The following PAQR5 variants were observed in gnomAD, a reference collection of about 807,000 sequenced individuals.
The protein encoded by PAQR5 is membrane progestin receptor gamma.
PAQR5 carries 20 observed loss-of-function variants against 34.5 expected under a neutral mutation model. The ratio of observed to expected loss-of-function variants is 0.58; its 90% confidence interval spans 0.41 to 0.84. The LOEUF is 0.84. Among genes scored for constraint, PAQR5 ranks in the 40% least tolerant of loss-of-function variants. PAQR5 has a pLI of 0.00. For missense variants in PAQR5, 378 were observed against 412.7 expected, an observed-to-expected ratio of 0.92 and a Z score of 0.73; for synonymous variants, 131 against 155.6, an observed-to-expected ratio of 0.84 and a Z score of 1.18.
intron 3 of PAQR5, among the ~76,000 whole-genome samples, chr15:69,367,431 A>T (rs562893960): frequency 2.6e-5 from 4 of 152,282 alleles, no homozygotes; most frequent in African/African-American, 9.6e-5. Context: ...AAATTACCCC[A>T]TATAGCTCGG....
rs535427352 is a variant in PAQR5 at position 69,377,454 on chromosome 15, G to A, written c.52-2429G>A. On this transcript the variant is annotated intron_variant, in intron 3 of 8. Coordinates refer to ENST00000395407, the MANE Select transcript of PAQR5 (RefSeq NM_017705.4). The stretch of plus-strand genomic sequence containing the variant: ...ATAAACCGGGGATGTCAGCAGAATT[G>A]AATGGTGAATCAAAAACTGGAACAA... Among the ~76,000 whole-genome samples, 6 of 152,330 alleles carry A rather than the reference G, an allele frequency of 3.9e-5. No individual in the cohort carries two copies. The South Asian group carries it at 1.2e-3, about 32-fold the overall frequency.
intron 2 of PAQR5, among the ~76,000 whole-genome samples, chr15:69,347,311 G>T (rs8042537): frequency 0.99 from 150,969 of 152,316 alleles, 74,833 homozygotes; most frequent in Middle Eastern, 1. Flanking sequence ...TTGGCAAAGA[G>T]GTTCATTGTT....
At chr15:69,328,377 G>C (rs555923487) in intron 1 of PAQR5, among the ~76,000 whole-genome samples, 3 of 152,342 alleles carry the variant, frequency 2.0e-5, no homozygotes, top group South Asian at 2.1e-4. Flanking sequence ...TTAGTGAATA[G>C]AGAAGCCAGG....
intron 1 of PAQR5, among the ~76,000 whole-genome samples, chr15:69,317,127 G>T (rs1158314794): frequency 1.3e-5 from 2 of 152,212 alleles, no homozygotes; most frequent in Admixed American, 6.5e-5. Context: ...TCCACAAGGG[G>T]TTTAGAATAG....
rs751931479 is a variant in PAQR5 at position 69,379,863 on chromosome 15, C to G, written c.52-20C>G. The G allele has an allele frequency of 6.2e-7, 1 of 1,611,412 alleles. No individual in the cohort carries two copies. Among genetic ancestry groups the G allele is most frequent in the Non-Finnish European group, 8.5e-7 (1 of 1,179,188 alleles). ...CACCCTCTGGTCTCACCTCAGTGTCCTTTTCCTTTGCCTCTGCAGGTGTTC... is the reference window on the plus strand; with the variant it reads ...CACCCTCTGGTCTCACCTCAGTGTCGTTTTCCTTTGCCTCTGCAGGTGTTC... On this transcript the variant is annotated intron_variant, in intron 3 of 8. Transcript: ENST00000395407.
At chr15:69,378,018 T>C (rs1356833205) in intron 3 of PAQR5, among the ~76,000 whole-genome samples, 1 of 151,874 alleles carries the variant, frequency 6.6e-6, no homozygotes, top group Admixed American at 6.6e-5. Context: ...ATCCCAGCAC[T>C]TTGGGAGCCC....
chr15:69,397,393 T>C (rs1595944943), intron 6 of PAQR5, 75 bp from the exon 7 acceptor site: 1 of 928,242 alleles, frequency 1.1e-6, no homozygotes, highest in Non-Finnish European at 1.8e-6. Context: ...GCCCTCGGTG[T>C]GCATGCATGT....
intron 1 of PAQR5, among the ~76,000 whole-genome samples, chr15:69,320,066 C>A (rs991880137): frequency 6.6e-6 from 1 of 152,372 alleles, no homozygotes; most frequent in Non-Finnish European, 1.5e-5. Flanking sequence ...GAGCCTTCCC[C>A]GTTGGGGTGA....
At chr15:69,394,729 G>C (rs1297998844) in intron 6 of PAQR5, among the ~76,000 whole-genome samples, 1 of 152,198 alleles carries the variant, frequency 6.6e-6, no homozygotes, top group Admixed American at 6.5e-5. Flanking sequence ...CTGTGGGGCC[G>C]CACGTGGGGC....
intron 6 of PAQR5, among the ~76,000 whole-genome samples, chr15:69,396,151 A>G (rs1458260916): frequency 2.0e-5 from 3 of 151,096 alleles, no homozygotes; most frequent in Non-Finnish European, 4.4e-5. Flanking sequence ...AAGTCCCTGC[A>G]TACTCCATGC....
chr15:69,400,967 A>G (rs574532595), intron 8 of PAQR5: 1 of 152,172 alleles, frequency 6.6e-6, no homozygotes, highest in Non-Finnish European at 1.5e-5. Flanking sequence ...GAAACCCAAT[A>G]CTCACACAGA....
At chr15:69,355,288 T>TTTTCTTTCTTTC (rs202025030) in intron 2 of PAQR5, among the ~76,000 whole-genome samples, 1 of 135,732 alleles carries the variant, frequency 7.4e-6, no homozygotes, top group African/African-American at 2.9e-5. Context: ...TCTTTCTTTC[T>TTTTCTTTCTTTC]TTTCTTTCTT....
At chr15:69,400,206 GC>G (rs1232547114) in intron 8 of PAQR5, 91 bp downstream of exon 8, 3 of 1,283,892 alleles carry the variant, frequency 2.3e-6, no homozygotes, top group South Asian at 1.4e-5. Flanking sequence ...GCTGCAAAGG[GC>G]AGGGAAGGGC....
At chr15:69,325,918 G>A (rs575564785) in intron 1 of PAQR5, among the ~76,000 whole-genome samples, 1 of 152,090 alleles carries the variant, frequency 6.6e-6, no homozygotes, top group African/African-American at 2.4e-5. Flanking sequence ...TTCTCCCTTG[G>A]GCTCCCCTGT....
chr15:69,339,604 C>G (rs527963417), intron 2 of PAQR5, among the ~76,000 whole-genome samples: 1 of 152,274 alleles, frequency 6.6e-6, no homozygotes, highest in Non-Finnish European at 1.5e-5. Flanking sequence ...TCCCAAGTAA[C>G]TGGGACCACA....
At chr15:69,372,166 C>A (rs2055580174) in intron 3 of PAQR5, among the ~76,000 whole-genome samples, 1 of 152,212 alleles carries the variant, frequency 6.6e-6, no homozygotes, top group South Asian at 2.1e-4. Context: ...ACACCCAGCA[C>A]TAAGAATACT....
intron 1 of PAQR5, among the ~76,000 whole-genome samples, chr15:69,329,228 C>G (rs965384220): frequency 6.6e-6 from 1 of 152,136 alleles, no homozygotes; most frequent in Non-Finnish European, 1.5e-5. Context: ...TACACTCACT[C>G]ACACATAATT....
At chr15:69,363,536 GTTTTTTGTTTTTGTTTT>G (rs2055299671) in intron 3 of PAQR5, among the ~76,000 whole-genome samples, 1 of 82,036 alleles carries the variant, frequency 1.2e-5, no homozygotes, top group South Asian at 5.9e-4. Flanking sequence ...TTGCTAATCT[GTTTTTTGTTTTTGTTTT>G]TTTTTTTTTT....
chr15:69,363,536 GT>G (rs1226447954), intron 3 of PAQR5, among the ~76,000 whole-genome samples: 1 of 82,002 alleles, frequency 1.2e-5, no homozygotes, highest in Non-Finnish European at 2.3e-5. Context: ...TTGCTAATCT[GT>G]TTTTTGTTTT....
Sources: allele counts gnomAD v4.1 joint callset (sites outside exome capture counted in the v4.1 genomes callset), GRCh38; gene constraint gnomAD v4.1.1; transcripts MANE v1.5; gene names NCBI Gene and HGNC (gene_info 2026-07-23, HGNC 2026-07-21).